The following RAPGEF2 variants were observed in gnomAD, a reference collection of about 807,000 sequenced individuals.
The protein encoded by RAPGEF2 is Rap guanine nucleotide exchange factor 2.
RAPGEF2 carries 54 observed loss-of-function variants against 186.7 expected under a neutral mutation model. That is an observed-to-expected ratio of 0.29 (90% CI 0.23 to 0.36). The LOEUF (loss-of-function observed/expected upper bound fraction) is 0.36, where lower values mean the gene tolerates loss of function less well. Ranked by LOEUF, RAPGEF2 falls within the 10% of genes least tolerant of loss-of-function variation. The pLI, the probability that RAPGEF2 is intolerant of heterozygous loss-of-function variation, is 1.00. For missense variants in RAPGEF2, 1,532 were observed against 2,045.0 expected (o/e 0.75, Z 4.84); for synonymous variants, 712 against 705.9 (o/e 1.01, Z -0.14).
chr4:159,160,434 G>A (rs1327079054), intron 1 of RAPGEF2, among the ~76,000 whole-genome samples: 1 of 152,202 alleles, frequency 6.6e-6, no homozygotes, highest in East Asian at 1.9e-4. Context: ...TAGAACTGAA[G>A]CTTCAAACCC....
intron 7 of RAPGEF2, among the ~76,000 whole-genome samples, chr4:159,271,839 C>A (rs965225244): frequency 6.6e-6 from 1 of 152,174 alleles, no homozygotes; most frequent in Non-Finnish European, 1.5e-5. Context: ...ATAAAACTTT[C>A]ATTGCTTGGC....
chr4:159,358,423 T>G lies in RAPGEF2; in HGVS notation c.*284T>G. 3 of 383,038 alleles carry G rather than the reference T, an allele frequency of 7.8e-6. No homozygotes were observed. Among genetic ancestry groups the G allele is most frequent in the Non-Finnish European group, 1.4e-5 (3 of 216,426 alleles). 23.7% of individuals were successfully genotyped at this position (383,038 alleles called of 1,614,324 possible). On this transcript the variant is annotated 3_prime_UTR_variant, in exon 30 of 30. Coordinates refer to ENST00000691494, the MANE Select transcript of RAPGEF2 (RefSeq NM_001394067.2). ...TGTTGCTGCCTGCCACATCACACAG[T>G]ATCATTCCAAATTCCAAGATCATCA...
chr4:159,307,081 G>A (rs984100236), intron 8 of RAPGEF2, among the ~76,000 whole-genome samples: 2 of 152,142 alleles, frequency 1.3e-5, no homozygotes, highest in African/African-American at 4.8e-5. Context: ...CTATTGGATT[G>A]TATATGGTTT....
intron 11 of RAPGEF2, chr4:159,327,012 T>C (rs1766018693): frequency 6.6e-6 from 1 of 152,220 alleles, no homozygotes; most frequent in Non-Finnish European, 1.5e-5. Context: ...AGCAAATCTA[T>C]GTTAGACTCA....
chr4:159,226,007 CT>C (rs1452843382), intron 4 of RAPGEF2, among the ~76,000 whole-genome samples: 1 of 151,922 alleles, frequency 6.6e-6, no homozygotes, highest in African/African-American at 2.4e-5. Flanking sequence ...TGTCAACCTC[CT>C]TTTTTATAAT....
At chr4:159,293,698 CTTTT>C (rs1212286115) in intron 7 of RAPGEF2, among the ~76,000 whole-genome samples, 3 of 152,204 alleles carry the variant, frequency 2.0e-5, no homozygotes, top group African/African-American at 7.2e-5. Context: ...AGTAGACTTT[CTTTT>C]AAGTCTCCTT....
chr4:159,186,380 G>A (rs556156408), intron 1 of RAPGEF2, among the ~76,000 whole-genome samples: 2 of 151,932 alleles, frequency 1.3e-5, no homozygotes, highest in African/African-American at 4.8e-5. Context: ...GATAAAGAAC[G>A]ATTTATGAGG....
At chr4:159,338,532 CAT>C in intron 18 of RAPGEF2, 64 bp downstream of exon 18, 1 of 1,427,110 alleles carries the variant, frequency 7.0e-7, no homozygotes, top group Admixed American at 1.8e-5. Context: ...ACATAATGGT[CAT>C]ATTATATGTA....
chr4:159,295,643 C>T (rs896985337), intron 7 of RAPGEF2, among the ~76,000 whole-genome samples: 12 of 151,020 alleles, frequency 7.9e-5, no homozygotes, highest in African/African-American at 2.7e-4. Context: ...TACTATTGTT[C>T]TTGATGCCAG....
At chr4:159,131,519 A>ATTGGTTTTTTTTTTTT in intron 1 of RAPGEF2, among the ~76,000 whole-genome samples, 3 of 37,210 alleles carry the variant, frequency 8.1e-5, no homozygotes, top group African/African-American at 1.2e-4. Context: ...ATTAATTGCT[A>ATTGGTTTTTTTTTTTT]TTTTTTTTTT....
At chr4:159,197,805 A>G (rs1199304654) in intron 3 of RAPGEF2, among the ~76,000 whole-genome samples, 1 of 152,050 alleles carries the variant, frequency 6.6e-6, no homozygotes, top group Non-Finnish European at 1.5e-5. Flanking sequence ...CACCTCCTCT[A>G]GGCAACTCTG....
chr4:159,321,527 T>C (rs995568598), intron 9 of RAPGEF2, among the ~76,000 whole-genome samples: 1 of 152,154 alleles, frequency 6.6e-6, no homozygotes, highest in Non-Finnish European at 1.5e-5. Flanking sequence ...CTTAATTATA[T>C]GATGCTGATG....
chr4:159,172,765 G>A (rs1746046540), intron 1 of RAPGEF2, among the ~76,000 whole-genome samples: 1 of 152,148 alleles, frequency 6.6e-6, no homozygotes, highest in Non-Finnish European at 1.5e-5. Flanking sequence ...AGATACTTCA[G>A]AAACTATAAC....
At chr4:159,139,983 A>AGCTCATGCT (rs1742141442) in intron 1 of RAPGEF2, among the ~76,000 whole-genome samples, 1 of 152,202 alleles carries the variant, frequency 6.6e-6, no homozygotes, top group African/African-American at 2.4e-5. Flanking sequence ...AATTTGAGTT[A>AGCTCATGCT]TACCATTTCA....
chr4:159,255,648 T>C (rs1756069848), intron 7 of RAPGEF2, among the ~76,000 whole-genome samples: 1 of 152,208 alleles, frequency 6.6e-6, no homozygotes, highest in Non-Finnish European at 1.5e-5. Flanking sequence ...AGATGAATAT[T>C]CTACGTGATA....
chr4:159,139,029 G>A (rs966073230), intron 1 of RAPGEF2, among the ~76,000 whole-genome samples: 2 of 152,178 alleles, frequency 1.3e-5, no homozygotes, highest in African/African-American at 4.8e-5. Flanking sequence ...TTCAGTGAAT[G>A]GGTGAATATG....
chr4:159,283,187 G>T (rs1322746315), intron 7 of RAPGEF2, among the ~76,000 whole-genome samples: 1 of 152,074 alleles, frequency 6.6e-6, no homozygotes, highest in African/African-American at 2.4e-5. Context: ...TTTGGTTAAT[G>T]ATATACATAG....
At chr4:159,159,795 A>G (rs1744511410) in intron 1 of RAPGEF2, among the ~76,000 whole-genome samples, 1 of 152,232 alleles carries the variant, frequency 6.6e-6, no homozygotes, top group Non-Finnish European at 1.5e-5. Flanking sequence ...TAGTGTTCTC[A>G]ACTCGTATAG....
At chr4:159,127,023 G>T (rs1043000107) in intron 1 of RAPGEF2, among the ~76,000 whole-genome samples, 2 of 145,076 alleles carry the variant, frequency 1.4e-5, no homozygotes, top group Admixed American at 7.3e-5. Flanking sequence ...TGCATTTTTT[G>T]TTGTTGTTGT....
Sources: gnomAD v4.1 joint callset for allele counts (sites outside exome capture counted in the v4.1 genomes callset) on GRCh38, gnomAD v4.1.1 for gene constraint, MANE v1.5 for transcripts, NCBI Gene and HGNC (gene_info 2026-07-23, HGNC 2026-07-21) for gene names.